The following COL13A1 variants were observed in gnomAD, a reference collection of about 807,000 sequenced individuals.
COL13A1 encodes collagen alpha-1(XIII) chain.
A neutral mutation model predicts 130.9 loss-of-function variants in COL13A1; 89 were observed. The observed-to-expected ratio is 0.68, with a 90% CI of 0.57 to 0.81. COL13A1 has a LOEUF of 0.81. Ranked by LOEUF, COL13A1 falls within the 30% of genes least tolerant of loss-of-function variation. COL13A1 has a pLI of 0.00. For missense variants in COL13A1, 879 were observed against 934.6 expected (o/e 0.94, Z 0.78); for synonymous variants, 402 against 341.6 (o/e 1.18, Z -1.95).
At chr10:69,868,783 T>C (rs1161522224) in intron 3 of COL13A1, among the ~76,000 whole-genome samples, 1 of 152,196 alleles carries the variant, frequency 6.6e-6, no homozygotes, top group Non-Finnish European at 1.5e-5. Flanking sequence ...GAGGATCCCA[T>C]GGCCCCTGAC....
chr10:69,865,420 A>G (rs573421892), intron 2 of COL13A1, among the ~76,000 whole-genome samples: 17 of 152,350 alleles, frequency 1.1e-4, no homozygotes, highest in East Asian at 3.9e-4. Flanking sequence ...GGCTGTCCCA[A>G]TGCAGGCCTG....
intron 4 of COL13A1, among the ~76,000 whole-genome samples, chr10:69,873,230 C>A (rs978423510): frequency 1.3e-5 from 2 of 152,214 alleles, no homozygotes; most frequent in Admixed American, 6.5e-5. Flanking sequence ...TAATGACTCC[C>A]CTTTTAGACA....
chr10:69,880,485 C>A lies in COL13A1; in HGVS notation c.463-18C>A. On this transcript the variant is annotated intron_variant, in intron 6 of 40. Transcript: ENST00000645393. ...TCCCTGCCCCTCGCTCCCTCTCCCC[C>A]TTCCTCTCTCCCCGCAGGGGTCCCC... is the stretch of plus-strand genomic sequence containing the variant. 1 of 1,527,398 alleles carries A rather than the reference C, an allele frequency of 6.5e-7. No homozygotes were observed. Among genetic ancestry groups the A allele is most frequent in the Non-Finnish European group, 9.1e-7 (1 of 1,101,384 alleles). The allele number at this position is 1,527,398 out of a possible 1,614,324, so 94.6% of individuals were successfully genotyped here. A position where few individuals can be genotyped will look rare whatever the true frequency, so the allele number is the denominator to read the frequency against.
At position 69,902,736 on chromosome 10, in the gene COL13A1, C is replaced by A; in HGVS notation, c.751-12C>A. On this transcript the variant is annotated splice_polypyrimidine_tract_variant and intron_variant, in intron 14 of 40. Transcript: ENST00000645393. The stretch of plus-strand genomic sequence containing the variant: ...GGGCCTTCCCTCTAACATTCGTTTC[C>A]ATGAACCTCAGGGCGAACAGAGCCA... The A allele has an allele frequency of 6.5e-7, 1 of 1,544,814 alleles. No homozygotes were observed. The highest frequency in any genetic ancestry group is 8.7e-7 in the Non-Finnish European group (1 of 1,144,486).
chr10:69,815,421 G>C (rs1416315555), intron 1 of COL13A1, among the ~76,000 whole-genome samples: 1 of 152,180 alleles, frequency 6.6e-6, no homozygotes, highest in African/African-American at 2.4e-5. Flanking sequence ...TGGCCACATA[G>C]GGCATTCCAG....
intron 1 of COL13A1, among the ~76,000 whole-genome samples, chr10:69,821,111 G>A (rs548090525): frequency 1.3e-5 from 2 of 152,350 alleles, no homozygotes; most frequent in South Asian, 4.1e-4. Context: ...CAGTACATCA[G>A]GTGCAGTCAG....
chr10:69,891,402 A>C (rs1445999803), intron 10 of COL13A1, among the ~76,000 whole-genome samples: 1 of 152,218 alleles, frequency 6.6e-6, no homozygotes, highest in Non-Finnish European at 1.5e-5. Context: ...TAGCACGTGC[A>C]AAGGTCCTGA....
At chr10:69,912,293 C>T (rs2063462822) in intron 17 of COL13A1, among the ~76,000 whole-genome samples, 1 of 152,148 alleles carries the variant, frequency 6.6e-6, no homozygotes, top group Admixed American at 6.5e-5. Flanking sequence ...CAATGGGGCA[C>T]CCGACCCCGG....
At chr10:69,855,944 C>T (rs1856333897) in intron 2 of COL13A1, among the ~76,000 whole-genome samples, 1 of 152,238 alleles carries the variant, frequency 6.6e-6, no homozygotes. Context: ...CCAGTGGGCC[C>T]ACCCATCCAT....
chr10:69,802,237 C>T lies in COL13A1; in HGVS notation c.-187C>T, dbSNP rs1046944645. 9 of 653,712 alleles carry T rather than the reference C, an allele frequency of 1.4e-5. No homozygotes were observed. Among genetic ancestry groups the T allele is most frequent in the African/African-American group, 7.7e-5 (4 of 51,652 alleles). The allele number at this position is 653,712 out of a possible 1,614,324, so 40.5% of individuals were successfully genotyped here. On this transcript the variant is annotated 5_prime_UTR_variant, in exon 1 of 41. Transcript: ENST00000645393. Reference sequence around the variant, plus strand: ...TGTACCCCAATTACCGCTGGTTGTGCTTTTTCGGCACTTCCTCTCCTACTG... The same window carrying T: ...TGTACCCCAATTACCGCTGGTTGTGTTTTTTCGGCACTTCCTCTCCTACTG...
At position 69,802,444 on chromosome 10, in the gene COL13A1, C is replaced by T. The variant is rs1296738308; in HGVS notation, c.21C>T (p.His7=). Reference sequence around the variant, plus strand: ...AGAGGATGGTAGCGGAGCGCACCCACAAAGCGGCAGCCACCGGTGCCCGCG... The same window carrying T: ...AGAGGATGGTAGCGGAGCGCACCCATAAAGCGGCAGCCACCGGTGCCCGCG... MVAERT[H]KAAATGARGP... Residue 7 remains histidine (H), a synonymous_variant, in exon 1 of 41, where the codon CAC becomes CAT. Transcript: ENST00000645393. 6.7e-7 allele frequency: 1 copy of T among 1,503,008 alleles called. No individual in the cohort carries two copies. Among genetic ancestry groups the T allele is most frequent in the Non-Finnish European group, 8.8e-7 (1 of 1,131,524 alleles). The allele number at this position is 1,503,008 out of a possible 1,614,324, so 93.1% of individuals were successfully genotyped here. A position where few individuals can be genotyped will look rare whatever the true frequency, so the allele number is the denominator to read the frequency against.
At chr10:69,884,488 A>G (rs951847884) in intron 7 of COL13A1, among the ~76,000 whole-genome samples, 2 of 152,196 alleles carry the variant, frequency 1.3e-5, no homozygotes, top group Non-Finnish European at 2.9e-5. Context: ...ACTTCTTGGT[A>G]GGCTTTTTCC....
intron 2 of COL13A1, among the ~76,000 whole-genome samples, chr10:69,832,570 C>T (rs967232763): frequency 2.0e-5 from 3 of 152,096 alleles, no homozygotes; most frequent in Non-Finnish European, 4.4e-5. Flanking sequence ...GGTGCACAAT[C>T]CAGTTATTTT....
chr10:69,895,361 C>T (rs2061534096), intron 12 of COL13A1, among the ~76,000 whole-genome samples, 189 bp from the exon 13 acceptor site: 1 of 152,188 alleles, frequency 6.6e-6, no homozygotes, highest in Non-Finnish European at 1.5e-5. Flanking sequence ...GAAGTTTCTT[C>T]CCTGCTGCTA....
rs1845402091 is a variant in COL13A1 at position 69,819,204 on chromosome 10, C to T, written c.295-3165C>T. 2.0e-5 allele frequency among the ~76,000 whole-genome samples: 3 copies of T among 152,342 alleles called. No individual in the cohort carries two copies. In the South Asian group the frequency reaches 6.2e-4, roughly 32 times the overall value. ...GTTCAAGGCAATTCCCTTTCCCTTTCTGGGACTTAGTTTCCTGGATTATAC... is the reference window on the plus strand; with the variant it reads ...GTTCAAGGCAATTCCCTTTCCCTTTTTGGGACTTAGTTTCCTGGATTATAC... On this transcript the variant is annotated intron_variant, in intron 1 of 40. Coordinates refer to ENST00000645393, the MANE Select transcript of COL13A1 (RefSeq NM_001368882.1).
intron 2 of COL13A1, among the ~76,000 whole-genome samples, chr10:69,823,469 G>T (rs761640544): frequency 6.6e-6 from 1 of 152,190 alleles, no homozygotes; most frequent in African/African-American, 2.4e-5. Context: ...AGCTCAGCGT[G>T]TGGCCTCCTC....
At chr10:69,825,705 T>A in intron 2 of COL13A1, among the ~76,000 whole-genome samples, 1 of 152,132 alleles carries the variant, frequency 6.6e-6, no homozygotes, top group East Asian at 1.9e-4. Context: ...AGTCCTGCGG[T>A]GGGTGTGTTC....
chr10:69,895,140 C>T (rs770970254), intron 12 of COL13A1, among the ~76,000 whole-genome samples: 4 of 152,234 alleles, frequency 2.6e-5, no homozygotes, highest in Admixed American at 6.5e-5. Context: ...AGGGGCCTGG[C>T]GCTCCCAGCT....
At chr10:69,834,497 GC>G (rs1392345259) in intron 2 of COL13A1, among the ~76,000 whole-genome samples, 1 of 152,172 alleles carries the variant, frequency 6.6e-6, no homozygotes, top group Non-Finnish European at 1.5e-5. Context: ...AATAACCATG[GC>G]ATATATTCAA....
Sources: allele counts gnomAD v4.1 joint callset (sites outside exome capture counted in the v4.1 genomes callset), GRCh38; gene constraint gnomAD v4.1.1; transcripts MANE v1.5; gene names NCBI Gene and HGNC (gene_info 2026-07-23, HGNC 2026-07-21).